Variants in PHF20 observed in about 807,000 individuals in gnomAD.
PHF20 encodes PHD finger protein 20.
PHF20 carries 23 observed loss-of-function variants against 113.5 expected under a neutral mutation model. That is an observed-to-expected ratio of 0.20 (90% CI 0.15 to 0.29). PHF20 has a LOEUF of 0.29. PHF20 is among the 10% of genes least tolerant of loss of function. The pLI is 1.00. For missense variants in PHF20, 943 were observed against 1,219.6 expected, an observed-to-expected ratio of 0.77 and a Z score of 3.38; for synonymous variants, 434 against 457.3, an observed-to-expected ratio of 0.95 and a Z score of 0.65.
At chr20:35,926,002 G>C (rs2055622647) in intron 13 of PHF20, among the ~76,000 whole-genome samples, 1 of 150,424 alleles carries the variant, frequency 6.6e-6, no homozygotes, top group East Asian at 2.0e-4. Flanking sequence ...TGTGCCTATA[G>C]TCCCAGCTAC....
chr20:35,865,038 A>T (rs1411346342), intron 6 of PHF20, among the ~76,000 whole-genome samples: 5 of 151,868 alleles, frequency 3.3e-5, no homozygotes, highest in African/African-American at 1.2e-4. Flanking sequence ...AAATATAAAG[A>T]CAAATTAGCC....
At chr20:35,898,882 A>G (rs1436633139) in intron 9 of PHF20, among the ~76,000 whole-genome samples, 1 of 152,134 alleles carries the variant, frequency 6.6e-6, no homozygotes, top group African/African-American at 2.4e-5. Flanking sequence ...AAGTGCTGGG[A>G]TTACAGGTGT....
chr20:35,929,899 A>T (rs2055718363), intron 14 of PHF20, among the ~76,000 whole-genome samples: 1 of 152,240 alleles, frequency 6.6e-6, no homozygotes, highest in African/African-American at 2.4e-5. Context: ...GTGTATCCCC[A>T]CCATGTGTAT....
At chr20:35,805,253 C>T (rs142633231) in intron 2 of PHF20, among the ~76,000 whole-genome samples, 2 of 151,790 alleles carry the variant, frequency 1.3e-5, no homozygotes, top group African/African-American at 4.8e-5. Context: ...GGTTGGAGTG[C>T]AGTGGTGGGA....
chr20:35,921,048 G>T (rs1180848670), intron 13 of PHF20, among the ~76,000 whole-genome samples: 3 of 152,196 alleles, frequency 2.0e-5, no homozygotes, highest in Non-Finnish European at 4.4e-5. Context: ...TCAGAATTAT[G>T]AGTGACAGAC....
At chr20:35,774,653 A>T (rs774476909) in intron 1 of PHF20, 2 of 152,252 alleles carry the variant, frequency 1.3e-5, no homozygotes, top group African/African-American at 2.4e-5. Context: ...TTTAGGTCCA[A>T]GAAGCTATAC....
intron 9 of PHF20, among the ~76,000 whole-genome samples, chr20:35,898,879 G>A (rs1240266883): frequency 1.3e-5 from 2 of 151,912 alleles, no homozygotes; most frequent in Admixed American, 1.3e-4. Flanking sequence ...CCAAAGTGCT[G>A]GGATTACAGG....
chr20:35,915,826 A>G (rs1001967296), intron 12 of PHF20, among the ~76,000 whole-genome samples: 5 of 152,176 alleles, frequency 3.3e-5, no homozygotes, highest in African/African-American at 1.2e-4. Context: ...ACATTTCATT[A>G]TGTTAACTGA....
At chr20:35,836,766 C>A (rs2042448180) in intron 2 of PHF20, among the ~76,000 whole-genome samples, 2 of 150,616 alleles carry the variant, frequency 1.3e-5, no homozygotes. Flanking sequence ...ATGGCGTGAA[C>A]CCCCGGCGGG....
chr20:35,931,618 A>G (rs901366466), intron 15 of PHF20, among the ~76,000 whole-genome samples, 174 bp downstream of exon 15: 1 of 152,190 alleles, frequency 6.6e-6, no homozygotes, highest in Admixed American at 6.5e-5. Flanking sequence ...AAAAAACTTT[A>G]TTGAGTAATA....
At chr20:35,914,002 T>A in intron 11 of PHF20, 31 bp from the exon 12 acceptor site, 1 of 1,609,220 alleles carries the variant, frequency 6.2e-7, no homozygotes, top group Non-Finnish European at 8.5e-7. Flanking sequence ...TAACTAGGGT[T>A]ATTCATTCCT....
intron 2 of PHF20, among the ~76,000 whole-genome samples, chr20:35,842,154 T>C (rs2042547304): frequency 2.0e-5 from 3 of 152,218 alleles, no homozygotes; most frequent in Middle Eastern, 3.4e-3. Context: ...GAGACCAGCC[T>C]GGCCAACATG....
At position 35,948,373 on chromosome 20, in the gene PHF20, A is replaced by G. The variant is rs928856608; in HGVS notation, c.*746A>G. The stretch of plus-strand genomic sequence containing the variant: ...AGGCAGGGTCTGGAACCCAAAGGAC[A>G]GCATTTTCTACCCACTTCTTAATAT... On this transcript the variant is annotated 3_prime_UTR_variant, in exon 18 of 18. Coordinates refer to ENST00000374012, the MANE Select transcript of PHF20 (RefSeq NM_016436.5). The G allele has an allele frequency of 2.4e-4, 36 of 152,688 alleles. No individual in the cohort carries two copies. The highest frequency in any genetic ancestry group is 8.2e-4 in the African/African-American group (34 of 41,472). 9.5% of individuals were successfully genotyped at this position (152,688 alleles called of 1,614,324 possible).
At chr20:35,922,283 C>T (rs2055533638) in intron 13 of PHF20, among the ~76,000 whole-genome samples, 1 of 152,172 alleles carries the variant, frequency 6.6e-6, no homozygotes, top group South Asian at 2.1e-4. Context: ...AGCAACGTAC[C>T]TTTTCTACTC....
At chr20:35,875,875 T>C (rs1055773588) in intron 9 of PHF20, among the ~76,000 whole-genome samples, 1 of 152,242 alleles carries the variant, frequency 6.6e-6, no homozygotes. Context: ...TTGTAAAGTT[T>C]ACGTATTTTA....
At chr20:35,838,753 C>T (rs2042486938) in intron 2 of PHF20, among the ~76,000 whole-genome samples, 1 of 151,750 alleles carries the variant, frequency 6.6e-6, no homozygotes, top group Non-Finnish European at 1.5e-5. Context: ...CTTTGGGAGG[C>T]TGACGCAGGA....
At chr20:35,845,430 G>A in intron 3 of PHF20, 2 of 392,210 alleles carry the variant, frequency 5.1e-6, no homozygotes, top group Non-Finnish European at 1.0e-5. Flanking sequence ...CAGTGGTGCA[G>A]TCTTGGCTTA....
intron 5 of PHF20, among the ~76,000 whole-genome samples, chr20:35,859,316 CT>C (rs1049577465): frequency 6.6e-6 from 1 of 152,040 alleles, no homozygotes; most frequent in African/African-American, 2.4e-5. Flanking sequence ...CCCCTTTTGT[CT>C]TTTTCGTGTT....
chr20:35,787,687 A>C (rs1163479061), intron 1 of PHF20, among the ~76,000 whole-genome samples: 1 of 148,542 alleles, frequency 6.7e-6, no homozygotes, highest in East Asian at 2.0e-4. Flanking sequence ...AGGTTTCACC[A>C]TGTTGGTCAG....
Sources: gnomAD v4.1 joint callset for allele counts (sites outside exome capture counted in the v4.1 genomes callset) on GRCh38, gnomAD v4.1.1 for gene constraint, MANE v1.5 for transcripts, NCBI Gene and HGNC (gene_info 2026-07-23, HGNC 2026-07-21) for gene names.